MMP2: variants seen among roughly 807,000 people sequenced by gnomAD.
MMP2 encodes the protein 72 kDa type IV collagenase.
Under a neutral mutation model 74.8 loss-of-function variants are expected in MMP2, and 39 were observed. The ratio of observed to expected loss-of-function variants is 0.52; its 90% CI spans 0.40 to 0.68. MMP2 has a LOEUF of 0.68. Ranked by LOEUF, MMP2 falls within the 30% of genes least tolerant of loss-of-function variation. MMP2 has a pLI of 0.00. For missense variants in MMP2, 803 were observed against 878.3 expected, an observed-to-expected ratio of 0.91 and a Z score of 1.08; for synonymous variants, 367 against 339.8, an observed-to-expected ratio of 1.08 and a Z score of -0.88.
chr16:55,481,444 G>A (rs1379058260), intron 1 of MMP2: 1 of 168,436 alleles, frequency 5.9e-6, no homozygotes, highest in African/African-American at 2.4e-5. Flanking sequence ...TGGTTTGGGT[G>A]GGCTTTCTCC....
At position 55,485,318 on chromosome 16, in the gene MMP2, C is replaced by T. The variant is rs760486439; in HGVS notation, c.549C>T (p.Pro183=). The T allele has an allele frequency of 1.2e-6, 2 of 1,614,084 alleles. No homozygotes were observed. Among genetic ancestry groups the T allele is most frequent in the South Asian group, 1.1e-5 (1 of 91,078 alleles). ...TTTCAGAGCATGGCGATGGATACCCCTTTGACGGTAAGGACGGACTCCTGG... is the reference window on the plus strand; with the variant it reads ...TTTCAGAGCATGGCGATGGATACCCTTTTGACGGTAAGGACGGACTCCTGG... The part of the protein sequence containing the change: ...FGRWEHGDGY[P]FDGKDGLLAH... The change falls in exon 4 of 13, where the codon CCC becomes CCT. Residue 183 remains proline (P), a synonymous_variant. Coordinates refer to ENST00000219070, the MANE Select transcript of MMP2 (RefSeq NM_004530.6).
At chr16:55,495,916 G>C (rs1256131792) in intron 9 of MMP2, among the ~76,000 whole-genome samples, 1 of 152,316 alleles carries the variant, frequency 6.6e-6, no homozygotes, top group Non-Finnish European at 1.5e-5. Flanking sequence ...GGAAGCGAGA[G>C]AGAAAGAGAC....
chr16:55,489,852 A>G, intron 7 of MMP2, 28 bp downstream of exon 7: 1 of 1,611,536 alleles, frequency 6.2e-7, no homozygotes, highest in East Asian at 2.2e-5. Flanking sequence ...TTGGACAGAG[A>G]CCCTGGACAT....
intron 5 of MMP2, chr16:55,488,126 C>T: frequency 4.2e-6 from 1 of 240,338 alleles, no homozygotes; most frequent in Non-Finnish European, 8.2e-6. Context: ...GCCTTGATTT[C>T]TCCACCTATC....
chr16:55,504,715 C>T (rs980039827), intron 12 of MMP2, among the ~76,000 whole-genome samples: 1 of 149,162 alleles, frequency 6.7e-6, no homozygotes, highest in African/African-American at 2.5e-5. Flanking sequence ...TGCAGTGGCG[C>T]GATCTTGGCT....
At chr16:55,480,705 T>C in intron 1 of MMP2, 1 of 152,662 alleles carries the variant, frequency 6.6e-6, no homozygotes. Flanking sequence ...CCCTCCAGCC[T>C]CCCCCTCAAC....
chr16:55,498,221 T>C (rs1227559518), intron 10 of MMP2, 68 bp from the exon 11 acceptor site: 6 of 1,596,840 alleles, frequency 3.8e-6, no homozygotes, highest in Non-Finnish European at 5.1e-6. Flanking sequence ...GACAGACAGA[T>C]GATGGGAGGA....
At position 55,483,007 on chromosome 16, in the gene MMP2, C is replaced by T. The variant is rs1291782173; in HGVS notation, c.252C>T (p.Pro84=). 7 of 1,614,076 alleles carry T rather than the reference C, an allele frequency of 4.3e-6. No homozygotes were observed. Among genetic ancestry groups the T allele is most frequent in the Middle Eastern group, 1.6e-4 (1 of 6,084 alleles). The stretch of plus-strand genomic sequence containing the variant: ...AGATGCAGAAGTTCTTTGGACTGCC[C>T]CAGACAGGTGATCTTGACCAGAATA... ...LKKMQKFFGL[P]QTGDLDQNTI... Residue 84 remains proline (P), a synonymous_variant, in exon 2 of 13, where the codon CCC becomes CCT. Coordinates refer to ENST00000219070, the MANE Select transcript of MMP2 (RefSeq NM_004530.6).
chr16:55,489,549 C>G (rs1962347657), intron 6 of MMP2, 102 bp from the exon 7 acceptor site: 1 of 1,416,524 alleles, frequency 7.1e-7, no homozygotes, highest in Non-Finnish European at 9.9e-7. Context: ...GGGACTGAGT[C>G]TAACTTAGGT....
intron 12 of MMP2, 139 bp downstream of exon 12, chr16:55,503,027 C>T: frequency 1.4e-6 from 1 of 729,704 alleles, no homozygotes; most frequent in Admixed American, 2.0e-5. Context: ...ACTCCTTCAT[C>T]CTAGTGCTGG....
chr16:55,501,876 T>C (rs1962675642), intron 11 of MMP2, among the ~76,000 whole-genome samples: 1 of 152,126 alleles, frequency 6.6e-6, no homozygotes, highest in African/African-American at 2.4e-5. Flanking sequence ...TACTAGGATA[T>C]CCATAGCTCC....
At position 55,493,062 on chromosome 16, in the gene MMP2, G is replaced by A. The variant is rs546634027; in HGVS notation, c.1337-96G>A. The A allele has an allele frequency of 4.1e-4, 615 of 1,490,886 alleles. 1 individual carries two copies. The highest frequency in any genetic ancestry group is 5.1e-4 in the Non-Finnish European group (555 of 1,083,324). 92.4% of individuals were successfully genotyped at this position (1,490,886 alleles called of 1,614,324 possible). ...CTAAGGCCAGAAGGCGATTTCTTCT[G>A]ACTCTTAGATGGTTGGGTGGGCACC... On this transcript the variant is annotated intron_variant, in intron 8 of 12. Coordinates refer to ENST00000219070, the MANE Select transcript of MMP2 (RefSeq NM_004530.6).
intron 7 of MMP2, 106 bp downstream of exon 7, chr16:55,489,930 C>A (rs1349501555): frequency 1.5e-6 from 2 of 1,306,106 alleles, no homozygotes; most frequent in Admixed American, 4.0e-5. Context: ...ATAGACACTG[C>A]CCCCCAGACA....
In MMP2 at chr16:55,502,866, C is replaced by A. The variant is rs371947760; in HGVS notation, c.1857C>A (p.Ala619=). The A allele has an allele frequency of 1.2e-6, 2 of 1,613,766 alleles. No individual in the cohort carries two copies. Among genetic ancestry groups the A allele is most frequent in the African/African-American group, 2.7e-5 (2 of 74,944 alleles). Residue 619 remains alanine (A), a synonymous_variant, in exon 12 of 13, where the codon GCC becomes GCA. Transcript: ENST00000219070. ...ATGCCATCCCCGATAACCTGGATGC[C>A]GTCGTGGACCTGCAGGGCGGCGGTG... ...AWNAIPDNLD[A]VVDLQGGGHS... is the part of the protein sequence containing the mutation.
At chr16:55,484,766 G>T (rs17859881) in intron 3 of MMP2, among the ~76,000 whole-genome samples, 1,764 of 152,298 alleles carry the variant, frequency 0.012, 29 homozygotes, top group East Asian at 0.092. Flanking sequence ...CAGACATAAA[G>T]GTATGTGGTA....
intron 8 of MMP2, among the ~76,000 whole-genome samples, 181 bp downstream of exon 8, chr16:55,492,137 T>C (rs1962424956): frequency 6.6e-6 from 1 of 152,124 alleles, no homozygotes; most frequent in African/African-American, 2.4e-5. Flanking sequence ...TCCAAGGGGA[T>C]ACTTGGATAA....
Position 55,489,772 on chromosome 16 carries a change from G to T in MMP2, c.1128G>T (p.Ala376=). The part of the protein sequence containing the change: ...AGRSDGKMWC[A]TTANYDDDRK... ...GCAGTGACGGAAAGATGTGGTGTGC[G>T]ACCACAGCCAACTACGATGATGACC... Residue 376 remains alanine, a synonymous_variant, in exon 7 of 13, where the codon GCG becomes GCT. Coordinates refer to ENST00000219070, the MANE Select transcript of MMP2 (RefSeq NM_004530.6). 2 of 1,614,150 alleles carry T rather than the reference G, an allele frequency of 1.2e-6. No individual in the cohort carries two copies. Among genetic ancestry groups the T allele is most frequent in the Middle Eastern group, 1.6e-4 (1 of 6,062 alleles).
intron 5 of MMP2, among the ~76,000 whole-genome samples, chr16:55,486,322 CGTGTGT>C (rs35367564): frequency 1.6e-4 from 20 of 128,034 alleles, no homozygotes; most frequent in South Asian, 2.5e-4. Context: ...TCTGCTAATG[CGTGTGT>C]GTGTGTGTGT....
At chr16:55,483,584 A>T (rs1962163036) in intron 2 of MMP2, among the ~76,000 whole-genome samples, 1 of 152,140 alleles carries the variant, frequency 6.6e-6, no homozygotes, top group African/African-American at 2.4e-5. Context: ...TTGGGTTATA[A>T]CTGGTTGCTA....
Sources: allele counts gnomAD v4.1 joint callset (sites outside exome capture counted in the v4.1 genomes callset), GRCh38; gene constraint gnomAD v4.1.1; transcripts MANE v1.5; gene names NCBI Gene and HGNC (gene_info 2026-07-23, HGNC 2026-07-21).